Variants in ATF6 observed in about 807,000 individuals in gnomAD.
ATF6 encodes the protein cyclic AMP-dependent transcription factor ATF-6 alpha.
In ATF6, 53 loss-of-function variants were observed where a neutral mutation model predicts 83.6. The ratio of observed to expected loss-of-function variants is 0.63; its 90% confidence interval spans 0.51 to 0.80. The LOEUF is 0.80. Among genes scored for constraint, ATF6 ranks in the 30% least tolerant of loss-of-function variants. The pLI, the probability that ATF6 is intolerant of heterozygous loss-of-function variation, is 0.00. For synonymous variants in ATF6, 288 were observed against 285.8 expected, an observed-to-expected ratio of 1.01 and a Z score of -0.08; for missense variants, 744 against 797.9, an observed-to-expected ratio of 0.93 and a Z score of 0.81.
chr1:161,884,835 T>A (rs984761442), intron 14 of ATF6, among the ~76,000 whole-genome samples: 1 of 152,208 alleles, frequency 6.6e-6, no homozygotes, highest in East Asian at 1.9e-4. Flanking sequence ...TGTTTCCATT[T>A]TAAGCATATA....
intron 14 of ATF6, among the ~76,000 whole-genome samples, chr1:161,874,817 A>G (rs181348307): frequency 3.0e-3 from 451 of 151,860 alleles, no homozygotes; most frequent in Admixed American, 4.9e-3. Context: ...GAATGAGGAT[A>G]ATCTAAACCA....
At position 161,807,865 on chromosome 1, in the gene ATF6, C is replaced by CTTTTTTTTTTTTT. The variant is rs761462420; in HGVS notation, c.909+5613_909+5625dup. On this transcript the variant is annotated intron_variant, in intron 7 of 15. Coordinates refer to ENST00000367942, the MANE Select transcript of ATF6 (RefSeq NM_007348.4). ...CTTTTTGTACTTTTTAGTTTGTCATCTTTTTTTTTTTTTTTTTTTTTTTTT... is the reference window on the plus strand; with the variant it reads ...CTTTTTGTACTTTTTAGTTTGTCATCTTTTTTTTTTTTTTTTTTTTTTTTTTTTTTTTTTTTTT... 1.5e-4 allele frequency among the ~76,000 whole-genome samples: 5 copies of CTTTTTTTTTTTTT among 32,344 alleles called. 1 individual carries two copies. The highest frequency in any genetic ancestry group is 4.2e-4 in the Admixed American group (1 of 2,364). The allele number at this position is 32,344 out of a possible 152,430, so 21.2% of individuals were successfully genotyped here. A position where few individuals can be genotyped will look rare whatever the true frequency, so the allele number is the denominator to read the frequency against.
intron 10 of ATF6, among the ~76,000 whole-genome samples, chr1:161,847,433 A>T (rs75337952): frequency 0.026 from 3,885 of 152,252 alleles, 80 homozygotes; most frequent in Non-Finnish European, 0.039. Flanking sequence ...GTCTCCACTT[A>T]GCCTTCCTGA....
chr1:161,853,371 G>C, intron 12 of ATF6, 48 bp downstream of exon 12: 3 of 1,459,048 alleles, frequency 2.1e-6, no homozygotes, highest in Non-Finnish European at 2.9e-6. Flanking sequence ...TTTGTTGGAA[G>C]GCTTCTCCCA....
intron 14 of ATF6, among the ~76,000 whole-genome samples, chr1:161,911,811 G>A (rs1687997054): frequency 6.6e-6 from 1 of 152,106 alleles, no homozygotes; most frequent in African/African-American, 2.4e-5. Context: ...GGGAAAAAGA[G>A]TTTATTGCCT....
chr1:161,790,098 A>G (rs1299843336), intron 4 of ATF6, among the ~76,000 whole-genome samples: 2 of 151,722 alleles, frequency 1.3e-5, no homozygotes, highest in Non-Finnish European at 2.9e-5. Flanking sequence ...CCTTTTGTCT[A>G]TTTTTCGCAA....
Position 161,794,671 on chromosome 1 carries a change from G to T in ATF6, c.688+2344G>T, listed in dbSNP as rs76949701. 2.5e-4 allele frequency among the ~76,000 whole-genome samples: 38 copies of T among 152,216 alleles called. 1 individual carries two copies. In the East Asian group the frequency reaches 5.4e-3, roughly 22 times the overall value. ...TCTTTTCTATAAATCCCTTCTTCTA[G>T]CTCAACTAATCTGTCATTGTCCTTT... On this transcript the variant is annotated intron_variant, in intron 6 of 15. Coordinates refer to ENST00000367942, the MANE Select transcript of ATF6 (RefSeq NM_007348.4).
chr1:161,926,569 T>C (rs968294486), intron 15 of ATF6, among the ~76,000 whole-genome samples: 2 of 152,176 alleles, frequency 1.3e-5, no homozygotes, highest in African/African-American at 2.4e-5. Context: ...AGCCACTGTC[T>C]TTTAAACTTA....
chr1:161,802,369 A>G, intron 7 of ATF6, 97 bp downstream of exon 7: 1 of 1,048,020 alleles, frequency 9.5e-7, no homozygotes. Context: ...TTTTTTTTAG[A>G]GTTTCTTATA....
intron 15 of ATF6, among the ~76,000 whole-genome samples, chr1:161,930,177 GA>G (rs1308290014): frequency 5.9e-5 from 9 of 152,178 alleles, no homozygotes; most frequent in Non-Finnish European, 1.5e-5. Context: ...AATAAATTAT[GA>G]GCTTATTTTT....
chr1:161,918,231 A>G (rs1688139952), intron 15 of ATF6, among the ~76,000 whole-genome samples: 1 of 152,094 alleles, frequency 6.6e-6, no homozygotes, highest in South Asian at 2.1e-4. Flanking sequence ...CTTTGTGACC[A>G]CTTGAAAATA....
intron 9 of ATF6, among the ~76,000 whole-genome samples, chr1:161,839,706 G>A (rs1311810052): frequency 1.3e-5 from 2 of 152,158 alleles, no homozygotes; most frequent in Non-Finnish European, 2.9e-5. Flanking sequence ...TCACTGTAAG[G>A]CAGGTGTTTG....
intron 14 of ATF6, among the ~76,000 whole-genome samples, chr1:161,881,840 A>G (rs1687331681): frequency 6.6e-6 from 1 of 152,092 alleles, no homozygotes; most frequent in African/African-American, 2.4e-5. Context: ...GTTTTAAGAA[A>G]TATTTGCCTA....
intron 9 of ATF6, among the ~76,000 whole-genome samples, chr1:161,829,475 G>A (rs1239228067): frequency 6.6e-6 from 1 of 151,844 alleles, no homozygotes; most frequent in Non-Finnish European, 1.5e-5. Flanking sequence ...GCACCACATC[G>A]CACTTATTCC....
At chr1:161,951,138 C>G (rs987103447) in intron 15 of ATF6, among the ~76,000 whole-genome samples, 1 of 152,134 alleles carries the variant, frequency 6.6e-6, no homozygotes, top group African/African-American at 2.4e-5. Flanking sequence ...TAGCTTAGAC[C>G]TCTGTGGCAT....
chr1:161,933,661 C>T (rs1411544260), intron 15 of ATF6, among the ~76,000 whole-genome samples: 2 of 152,160 alleles, frequency 1.3e-5, no homozygotes, highest in East Asian at 1.9e-4. Context: ...TTCAGCAAGG[C>T]TTATTGAATT....
At chr1:161,817,561 T>G (rs761429408) in intron 7 of ATF6, among the ~76,000 whole-genome samples, 13 of 152,174 alleles carry the variant, frequency 8.5e-5, no homozygotes, top group Admixed American at 2.0e-4. Flanking sequence ...TTAGCATTAC[T>G]TAAGAGTGAG....
In ATF6 at chr1:161,846,551, A is replaced by C. The variant is rs1686491073; in HGVS notation, c.1290A>C (p.Ser430=). ...CTGCTAAAGAGGCACAGGACACATCAGATGGTATTATCCAGAAAAACAGCT... is the reference window on the plus strand; with the variant it reads ...CTGCTAAAGAGGCACAGGACACATCCGATGGTATTATCCAGAAAAACAGCT... The part of the protein sequence containing the change: ...GFSAKEAQDT[S]DGIIQKNSYR... The change falls in exon 10 of 16, where the codon TCA becomes TCC. Residue 430 remains serine, a synonymous_variant. Transcript: ENST00000367942. 2 of 1,608,952 alleles carry C rather than the reference A, an allele frequency of 1.2e-6. No homozygotes were observed. Among genetic ancestry groups the C allele is most frequent in the African/African-American group, 2.7e-5 (2 of 74,650 alleles).
intron 14 of ATF6, among the ~76,000 whole-genome samples, chr1:161,893,266 A>G (rs959075699): frequency 6.6e-6 from 1 of 151,994 alleles, no homozygotes; most frequent in Non-Finnish European, 1.5e-5. Context: ...TCCCAGGTTC[A>G]AGGGATTCTC....
Sources: allele counts gnomAD v4.1 joint callset (sites outside exome capture counted in the v4.1 genomes callset), GRCh38; gene constraint gnomAD v4.1.1; transcripts MANE v1.5; gene names NCBI Gene and HGNC (gene_info 2026-07-23, HGNC 2026-07-21).